Variants in ARID1B observed in about 807,000 individuals in gnomAD.
ARID1B encodes AT-rich interaction domain 1B, also known as AT-rich interactive domain-containing protein 1B.
Under a neutral mutation model 212.3 loss-of-function variants are expected in ARID1B, and 30 were observed. That is an observed-to-expected ratio of 0.14 (90% CI 0.11 to 0.19). The LOEUF (loss-of-function observed/expected upper bound fraction) is 0.19. ARID1B is among the 10% of genes least tolerant of loss of function. ARID1B has a pLI of 1.00. For synonymous variants in ARID1B, 1,402 were observed against 1,301.7 expected (o/e 1.08, Z -1.66); for missense variants, 2,891 against 3,204.0 (o/e 0.90, Z 2.36).
chr6:156,966,370 ACTTTTCTTTT>A (rs751075039), intron 4 of ARID1B, among the ~76,000 whole-genome samples: 57 of 138,430 alleles, frequency 4.1e-4, no homozygotes, highest in African/African-American at 1.4e-3. Flanking sequence ...GACATAAATA[ACTTTTCTTTT>A]CTTTTCTTTT....
intron 4 of ARID1B, among the ~76,000 whole-genome samples, chr6:157,030,873 T>C (rs147403946): frequency 1.4e-4 from 21 of 152,304 alleles, no homozygotes; most frequent in Non-Finnish European, 2.5e-4. Context: ...TCCAATACAT[T>C]CAGAGGACGG....
At chr6:156,982,984 A>G (rs1159245358) in intron 4 of ARID1B, among the ~76,000 whole-genome samples, 1 of 151,594 alleles carries the variant, frequency 6.6e-6, no homozygotes, top group African/African-American at 2.4e-5. Context: ...AATCCCAGCT[A>G]CTCTGGAGGC....
chr6:157,117,528 A>G (rs1787399477), intron 6 of ARID1B, among the ~76,000 whole-genome samples: 1 of 152,190 alleles, frequency 6.6e-6, no homozygotes. Flanking sequence ...GAATGAATTC[A>G]GTGTCTTCCT....
rs1793883746 is a variant in ARID1B at position 156,955,325 on chromosome 6, G to A, written c.2247+19749G>A. 6.6e-6 allele frequency among the ~76,000 whole-genome samples: 1 copy of A among 152,260 alleles called. No homozygotes were observed. The highest frequency in any genetic ancestry group is 2.1e-4 in the South Asian group (1 of 4,826). ...CATTCTGGTTATTGCCATTCAACCA[G>A]GTGTGATAAACCTAGAGCTACTGTA... On this transcript the variant is annotated intron_variant, in intron 4 of 19. Transcript: ENST00000636930. The surrounding 1 kb of genome is among the most constrained non-coding windows in gnomAD (Gnocchi z 4.2).
rs1784961943 is a variant in ARID1B, at chr6:156,856,696, T to TCA, written c.1986+27276_1986+27277insAC. ...TCCTCTCTCTCTCTCTCTCTCTCTC[T>TCA]CTCTCACACACACACACACACACAC... On this transcript the variant is annotated intron_variant, in intron 2 of 19. Transcript: ENST00000636930. 4.7e-5 allele frequency among the ~76,000 whole-genome samples: 4 copies of TCA among 84,224 alleles called. No homozygotes were observed. The South Asian group carries it at 1.8e-3, about 39-fold the overall frequency. 55.3% of individuals were successfully genotyped at this position (84,224 alleles called of 152,430 possible). A position where few individuals can be genotyped will look rare whatever the true frequency, so the allele number is the denominator to read the frequency against.
rs535044026 is a variant in ARID1B at position 157,207,938 on chromosome 6, A to G, written c.*47A>G. On this transcript the variant is annotated 3_prime_UTR_variant, in exon 20 of 20. Coordinates refer to ENST00000636930, the MANE Select transcript of ARID1B (RefSeq NM_001374828.1). This position sits in a 1 kb window ranked among gnomAD's most constrained non-coding sequence, Gnocchi z 8.5. ...GTGTGAGTGAAGATTAGAGGGTCACATATAACTGGCTGTTTTCTGTTCTTG... is the reference window on the plus strand; with the variant it reads ...GTGTGAGTGAAGATTAGAGGGTCACGTATAACTGGCTGTTTTCTGTTCTTG... 3 of 1,430,682 alleles carry G rather than the reference A, an allele frequency of 2.1e-6. No individual in the cohort carries two copies. The highest frequency in any genetic ancestry group is 1.8e-6 in the Non-Finnish European group (2 of 1,089,526). The allele number at this position is 1,430,682 out of a possible 1,614,324, so 88.6% of individuals were successfully genotyped here.
chr6:157,008,717 C>A (rs910767400), intron 4 of ARID1B, among the ~76,000 whole-genome samples: 4 of 152,146 alleles, frequency 2.6e-5, no homozygotes, highest in African/African-American at 9.7e-5. Flanking sequence ...TGATACCCAT[C>A]TCTCTGTAGA....
rs182287119 is a variant in ARID1B at position 157,201,139 on chromosome 6, C to T, written c.4914C>T (p.His1638=). Residue 1638 remains histidine, a synonymous_variant, in exon 18 of 20, where the codon CAC becomes CAT. Transcript: ENST00000636930. The surrounding 1 kb of genome is among the most constrained non-coding windows in gnomAD (Gnocchi z 5.2). The part of the protein sequence containing the change: ...RINHESQWPS[H]VSQRQPYMSS... The stretch of plus-strand genomic sequence containing the variant: ...ATCATGAGAGCCAGTGGCCTTCTCA[C>T]GTCAGCCAGCGTCAGCCTTATATGT... 5.6e-6 allele frequency: 9 copies of T among 1,614,188 alleles called. No homozygotes were observed. The highest frequency in any genetic ancestry group is 2.2e-5 in the East Asian group (1 of 44,880).
chr6:157,073,762 G>A (rs1784130098), intron 4 of ARID1B, among the ~76,000 whole-genome samples: 1 of 152,208 alleles, frequency 6.6e-6, no homozygotes, highest in African/African-American at 2.4e-5. Context: ...ATTCCTGCTG[G>A]AGGAGTTAGC....
At chr6:157,044,907 G>T (rs1782127571) in intron 4 of ARID1B, among the ~76,000 whole-genome samples, 3 of 152,280 alleles carry the variant, frequency 2.0e-5, no homozygotes, top group Admixed American at 6.5e-5. Flanking sequence ...GCCTGAGCTG[G>T]TCTAGAAAAT....
intron 4 of ARID1B, among the ~76,000 whole-genome samples, chr6:156,972,113 A>T (rs1166655596): frequency 2.0e-5 from 3 of 152,360 alleles, no homozygotes; most frequent in African/African-American, 7.2e-5. Context: ...GGTATAATAC[A>T]TAAAGGTTAA....
intron 19 of ARID1B, 78 bp downstream of exon 19, chr6:157,204,074 T>A (rs900063748): frequency 6.4e-7 from 1 of 1,567,956 alleles, no homozygotes; most frequent in Non-Finnish European, 8.8e-7. Flanking sequence ...CTTGAACTAA[T>A]GCCTGAGTTG....
chr6:156,887,808 A>G (rs191636854), intron 2 of ARID1B, among the ~76,000 whole-genome samples: 1 of 152,294 alleles, frequency 6.6e-6, no homozygotes, highest in East Asian at 1.9e-4. Flanking sequence ...TAAAACCTAC[A>G]CACGAATGAG....
chr6:156,860,167 T>G (rs1219298964), intron 2 of ARID1B, among the ~76,000 whole-genome samples: 1 of 152,244 alleles, frequency 6.6e-6, no homozygotes, highest in Non-Finnish European at 1.5e-5. Flanking sequence ...TTGCAGAATA[T>G]GCTTACAAAT....
chr6:157,038,700 C>T (rs1781495776), intron 4 of ARID1B, among the ~76,000 whole-genome samples: 1 of 152,062 alleles, frequency 6.6e-6, no homozygotes, highest in Non-Finnish European at 1.5e-5. Context: ...ATTTAATGCC[C>T]AGCATACATG....
intron 8 of ARID1B, among the ~76,000 whole-genome samples, chr6:157,161,013 C>T (rs1044378466): frequency 5.3e-5 from 8 of 152,330 alleles, no homozygotes; most frequent in Admixed American, 5.2e-4. Context: ...TTAGTCTTGG[C>T]CCGCTGTTGT....
At chr6:157,161,663 G>A (rs1243264835) in intron 8 of ARID1B, among the ~76,000 whole-genome samples, 1 of 152,108 alleles carries the variant, frequency 6.6e-6, no homozygotes, top group East Asian at 1.9e-4. Context: ...TAATGTTAAT[G>A]TATGCAATTG....
intron 9 of ARID1B, among the ~76,000 whole-genome samples, chr6:157,171,582 T>C (rs1228645217): frequency 6.6e-6 from 1 of 152,208 alleles, no homozygotes; most frequent in Non-Finnish European, 1.5e-5. Flanking sequence ...TTTAGTAAAA[T>C]AAAACATACA....
intron 4 of ARID1B, among the ~76,000 whole-genome samples, chr6:157,043,003 T>A (rs574468443): frequency 6.6e-6 from 1 of 152,352 alleles, no homozygotes; most frequent in East Asian, 1.9e-4. Flanking sequence ...TTTTAATATT[T>A]GTTTTAGGCA....
Sources: allele counts gnomAD v4.1 joint callset (sites outside exome capture counted in the v4.1 genomes callset), GRCh38; gene constraint gnomAD v4.1.1; non-coding constraint Gnocchi (gnomAD v3.1); transcripts MANE v1.5; gene names NCBI Gene and HGNC (gene_info 2026-07-23, HGNC 2026-07-21).